EFHC2: variants seen among roughly 807,000 people sequenced by gnomAD.
EFHC2 encodes the protein EF-hand domain containing 2.
EFHC2 carries 18 observed loss-of-function variants against 52.7 expected under a neutral mutation model. The ratio of observed to expected loss-of-function variants is 0.34; its 90% CI spans 0.24 to 0.51. The LOEUF is 0.51. Among genes scored for constraint, EFHC2 ranks in the 20% least tolerant of loss-of-function variants. EFHC2 has a pLI of 0.97. For synonymous variants in EFHC2, 203 were observed against 204.1 expected (o/e 0.99, Z 0.04); for missense variants, 513 against 562.5 (o/e 0.91, Z 0.89).
At chrX:44,268,864 A>C (rs980562018) in intron 3 of EFHC2, among the ~76,000 whole-genome samples, 3 of 111,719 alleles carry the variant, frequency 2.7e-5, no homozygotes, top group Non-Finnish European at 5.6e-5. Flanking sequence ...CATACTTTTA[A>C]CCTTAAAATT....
At chrX:44,291,761 G>GTA (rs989074419) in intron 2 of EFHC2, among the ~76,000 whole-genome samples, 6 of 112,100 alleles carry the variant, frequency 5.4e-5, no homozygotes, top group Non-Finnish European at 1.1e-4. Flanking sequence ...AGAAAATTAT[G>GTA]TATATATAAC....
chrX:44,270,852 G>A (rs2037612417), intron 3 of EFHC2, among the ~76,000 whole-genome samples: 1 of 110,892 alleles, frequency 9.0e-6, no homozygotes, highest in Admixed American at 9.6e-5. Context: ...CAGAGCAAGT[G>A]TGTGCCCTCA....
rs780689622 is a variant in EFHC2, at chrX:44,205,379, C to T, written c.1751+24270G>A. On this transcript the variant is annotated intron_variant, in intron 11 of 14. Transcript: ENST00000420999. ...TAACCTTGAATATAAATGGCCTTAACGCTCCATATAGAAGACATAAAATGG... is the reference window on the plus strand; with the variant it reads ...TAACCTTGAATATAAATGGCCTTAATGCTCCATATAGAAGACATAAAATGG... 1.0e-4 allele frequency among the ~76,000 whole-genome samples: 11 copies of T among 107,677 alleles called. No homozygotes were observed. The South Asian group carries it at 2.1e-3, about 20-fold the overall frequency. The allele number at this position is 107,677 out of a possible 115,157, so 93.5% of individuals were successfully genotyped here. A position where few individuals can be genotyped will look rare whatever the true frequency, so the allele number is the denominator to read the frequency against.
intron 13 of EFHC2, among the ~76,000 whole-genome samples, chrX:44,166,211 G>A (rs1050948668): frequency 8.9e-6 from 1 of 111,931 alleles, no homozygotes; most frequent in African/African-American, 3.2e-5. Flanking sequence ...GGATCCAGAT[G>A]AGAGATAACG....
intron 2 of EFHC2, among the ~76,000 whole-genome samples, chrX:44,277,324 CA>C (rs35304705): frequency 0.01 from 1,073 of 104,923 alleles, 7 homozygotes; most frequent in Middle Eastern, 0.03. Context: ...GAAAGAAAGA[CA>C]AAACATCGGC....
At chrX:44,193,240 C>A (rs1468969828) in intron 11 of EFHC2, among the ~76,000 whole-genome samples, 6 of 76,548 alleles carry the variant, frequency 7.8e-5, no homozygotes, top group African/African-American at 3.0e-4. Flanking sequence ...CGAAAGCCTG[C>A]CCCACCCCCG....
chrX:44,182,837 T>C (rs2036845543), intron 11 of EFHC2, among the ~76,000 whole-genome samples: 1 of 111,706 alleles, frequency 9.0e-6, no homozygotes, highest in South Asian at 3.8e-4. Flanking sequence ...TATAATACTA[T>C]AATATCACAG....
At position 44,201,453 on chromosome X, in the gene EFHC2, T is replaced by G. The variant is rs1320700228; in HGVS notation, c.1752-22889A>C. ...TAAAAAGAGGGTTAACAAGTTAAAA[T>G]TTGGTTGTTTAAAAAAATCTAAAAA... On this transcript the variant is annotated intron_variant, in intron 11 of 14. Transcript: ENST00000420999. 5.4e-5 allele frequency among the ~76,000 whole-genome samples: 6 copies of G among 111,603 alleles called. No homozygotes were observed. In the East Asian group the frequency reaches 1.4e-3, roughly 26 times the overall value.
In EFHC2 at chrX:44,178,494, G is replaced by A. The variant is rs772482350; in HGVS notation, c.1822C>T (p.Arg608Cys). ...QEFVTIARHYRVPEGTCSDMD... is the reference protein window; with the variant it reads ...QEFVTIARHYCVPEGTCSDMD... ...TCTGAACATGTGCCCTCAGGCACAC[G>A]GTAGTGACGTGCAATGGTTACAAAT... The change falls in exon 12 of 15, where the codon CGT becomes TGT. Residue 608 changes from arginine (R) to cysteine (C), a missense_variant. By Grantham distance (180) the Arg-to-Cys change is radical. Coordinates refer to ENST00000420999, the MANE Select transcript of EFHC2 (RefSeq NM_025184.4). 36 of 1,206,375 alleles carry A rather than the reference G, an allele frequency of 3.0e-5. No homozygotes were observed. Among genetic ancestry groups the A allele is most frequent in the Non-Finnish European group, 3.7e-5 (33 of 893,395 alleles).
intron 11 of EFHC2, chrX:44,225,711 C>A (rs1054698524): frequency 8.9e-6 from 1 of 111,802 alleles, no homozygotes; most frequent in East Asian, 2.8e-4. Flanking sequence ...GTTGTCAGAG[C>A]CTAGAAGGGA....
chrX:44,265,556 A>C (rs1049482868), intron 3 of EFHC2, among the ~76,000 whole-genome samples: 5 of 112,266 alleles, frequency 4.5e-5, no homozygotes, highest in African/African-American at 1.6e-4. Context: ...GGCGTGAGCC[A>C]CTGCACCTGG....
chrX:44,205,505 T>G (rs1282673375), intron 11 of EFHC2, among the ~76,000 whole-genome samples: 1 of 110,116 alleles, frequency 9.1e-6, no homozygotes, highest in Non-Finnish European at 1.9e-5. Flanking sequence ...AGTAAAGGGA[T>G]GGAGAAAGAT....
chrX:44,155,090 T>A (rs1376301941), intron 14 of EFHC2, among the ~76,000 whole-genome samples: 1 of 111,730 alleles, frequency 9.0e-6, no homozygotes, highest in African/African-American at 3.3e-5. Flanking sequence ...GCATAAACAA[T>A]ACATGCCACA....
intron 11 of EFHC2, among the ~76,000 whole-genome samples, chrX:44,226,757 T>G (rs755275837): frequency 4.3e-4 from 47 of 108,876 alleles, no homozygotes; most frequent in African/African-American, 1.5e-3. Flanking sequence ...GGTCGGGACC[T>G]AGGGGAGGGA....
At chrX:44,306,575 G>C (rs1362723672) in intron 2 of EFHC2, among the ~76,000 whole-genome samples, 1 of 112,148 alleles carries the variant, frequency 8.9e-6, no homozygotes, top group Non-Finnish European at 1.9e-5. Flanking sequence ...AGGAAGGGTA[G>C]AATGCATAAA....
intron 11 of EFHC2, among the ~76,000 whole-genome samples, chrX:44,187,643 C>T (rs936365140): frequency 2.7e-5 from 3 of 110,969 alleles, no homozygotes; most frequent in African/African-American, 9.9e-5. Context: ...TAAAAATTAG[C>T]TCGACATTGT....
In EFHC2 at chrX:44,337,175, T is replaced by C. The variant is rs921467021; in HGVS notation, c.42+6372A>G. On this transcript the variant is annotated intron_variant, in intron 1 of 14. Transcript: ENST00000420999. ...GAAATAACTTGAATTATTTAACATG[T>C]TTATATTATGCTGACTGAAAAGTTT... Among the ~76,000 whole-genome samples, 3 of 111,745 alleles carry C rather than the reference T, an allele frequency of 2.7e-5. No individual in the cohort carries two copies. In the Admixed American group the frequency reaches 2.9e-4, roughly 11 times the overall value.
intron 11 of EFHC2, among the ~76,000 whole-genome samples, chrX:44,187,093 T>C (rs1838992020): frequency 2.2e-5 from 2 of 90,910 alleles, no homozygotes; most frequent in Admixed American, 1.2e-4. Context: ...TATGCCAGCC[T>C]GGGTGACAGA....
Position 44,317,782 on chromosome X carries a change from C to T in EFHC2, c.43-5026G>A, listed in dbSNP as rs747878743. Among the ~76,000 whole-genome samples the T allele has an allele frequency of 8.0e-5, 9 of 113,019 alleles. No homozygotes were observed. In the South Asian group the frequency reaches 3.3e-3, roughly 41 times the overall value. ...GCACTCCAGCCTAAGCGACGGAGAC[C>T]CTGTCTCAAAAATAAATACATATAT... On this transcript the variant is annotated intron_variant, in intron 1 of 14. Transcript: ENST00000420999.
Sources: gnomAD v4.1 joint callset for allele counts (sites outside exome capture counted in the v4.1 genomes callset) on GRCh38, gnomAD v4.1.1 for gene constraint, MANE v1.5 for transcripts, NCBI Gene and HGNC (gene_info 2026-07-23, HGNC 2026-07-21) for gene names.